The following USP43 variants were observed in gnomAD, a reference collection of about 807,000 sequenced individuals.
USP43 encodes the protein ubiquitin carboxyl-terminal hydrolase 43.
Under a neutral mutation model 90.7 loss-of-function variants are expected in USP43, and 33 were observed. The observed-to-expected ratio is 0.36, with a 90% CI of 0.28 to 0.49. The LOEUF (loss-of-function observed/expected upper bound fraction) is 0.49, where lower values mean the gene tolerates loss of function less well. Ranked by LOEUF, USP43 falls within the 20% of genes least tolerant of loss-of-function variation. USP43 has a pLI of 0.98. For synonymous variants in USP43, 598 were observed against 615.8 expected, an observed-to-expected ratio of 0.97 and a Z score of 0.43; for missense variants, 1,274 against 1,476.4, an observed-to-expected ratio of 0.86 and a Z score of 2.25.
intron 14 of USP43, among the ~76,000 whole-genome samples, chr17:9,727,453 A>G (rs1356216536): frequency 6.6e-6 from 1 of 152,060 alleles, no homozygotes; most frequent in Non-Finnish European, 1.5e-5. Flanking sequence ...TACAAGTTGT[A>G]TAGGTTGGTG....
chr17:9,711,738 T>G (rs1284610879), intron 13 of USP43, among the ~76,000 whole-genome samples: 1 of 152,164 alleles, frequency 6.6e-6, no homozygotes, highest in African/African-American at 2.4e-5. Context: ...GCCCATGCTT[T>G]CCTTTTTGTG....
chr17:9,720,985 T>C (rs1165976093), intron 14 of USP43, among the ~76,000 whole-genome samples: 1 of 152,214 alleles, frequency 6.6e-6, no homozygotes, highest in Admixed American at 6.5e-5. Flanking sequence ...GCCCTGGTTA[T>C]GATCATCATA....
chr17:9,676,921 A>G, intron 5 of USP43, 40 bp downstream of exon 5: 1 of 1,600,098 alleles, frequency 6.2e-7, no homozygotes, highest in Non-Finnish European at 8.5e-7. Context: ...ATTGGATGAT[A>G]GAATGCTAAC....
chr17:9,712,477 C>T (rs541362743), intron 14 of USP43, among the ~76,000 whole-genome samples: 95 of 152,040 alleles, frequency 6.2e-4, no homozygotes, highest in African/African-American at 2.1e-3. Context: ...GCACAGGGCC[C>T]GGGAGATAGG....
At position 9,728,980 on chromosome 17, in the gene USP43, C is replaced by T. The variant is rs760811657; in HGVS notation, c.3362C>T (p.Ser1121Phe). 3 of 1,568,746 alleles carry T rather than the reference C, an allele frequency of 1.9e-6. No individual in the cohort carries two copies. The highest frequency in any genetic ancestry group is 3.7e-5 in the Admixed American group (2 of 54,792). The change falls in exon 15 of 15, where the codon TCC becomes TTC. Residue 1121 changes from serine (S) to phenylalanine (F), a missense_variant. Ser to Phe is a radical substitution (Grantham distance 155). Around this residue, in one of 6 missense-constraint regions of USP43, gnomAD observed 353 missense variants for 329.7 expected, o/e 1.07. Coordinates refer to ENST00000285199, the MANE Select transcript of USP43 (RefSeq NM_153210.5). The surrounding 1 kb of genome is among the most constrained non-coding windows in gnomAD (Gnocchi z 6.2). ...GGTCGAAAGAAAACCTTACCGGAGT[C>T]CAGCTTTTGATGGAGCGTGTCAGTA... The part of the protein sequence containing the change: ...SLGRKKTLPE[S>F]SF
chr17:9,728,629 G>T lies in USP43; in HGVS notation c.3011G>T (p.Arg1004Leu), dbSNP rs1567689580. 6.2e-7 allele frequency: 1 copy of T among 1,613,734 alleles called. No homozygotes were observed. The highest frequency in any genetic ancestry group is 8.5e-7 in the Non-Finnish European group (1 of 1,179,810). Residue 1004 changes from arginine to leucine, a missense_variant, in exon 15 of 15, where the codon CGG becomes CTG. Around this residue, in one of 6 missense-constraint regions of USP43, gnomAD observed 353 missense variants for 329.7 expected, o/e 1.07. Transcript: ENST00000285199. This position sits in a 1 kb window ranked among gnomAD's most constrained non-coding sequence, Gnocchi z 6.2. ...CTCACCCTTCTGAGGTCCGTGTTTC[G>T]GAAGAAGGAGAACAGGAGGAATGAG... ...GTLTLLRSVFRKKENRRNERA... is the reference protein window; with the variant it reads ...GTLTLLRSVFLKKENRRNERA...
chr17:9,666,600 T>C, intron 2 of USP43, 48 bp from the exon 3 acceptor site: 1 of 1,471,628 alleles, frequency 6.8e-7, no homozygotes, highest in Non-Finnish European at 9.3e-7. Context: ...AGCAGTTGAG[T>C]GATGAGAGGT....
rs564720900 is a variant in USP43, at chr17:9,677,822, A to G, written c.969+941A>G. 2.6e-5 allele frequency among the ~76,000 whole-genome samples: 4 copies of G among 152,242 alleles called. No homozygotes were observed. In the East Asian group the frequency reaches 7.7e-4, roughly 29 times the overall value. ...TACAATAACGTCTACCTATCTGAAG[A>G]TTGTGGTTTGCTGGCTTTCTCTACG... On this transcript the variant is annotated intron_variant, in intron 5 of 14. Transcript: ENST00000285199.
At chr17:9,649,105 C>T (rs1911675159) in intron 1 of USP43, among the ~76,000 whole-genome samples, 1 of 152,116 alleles carries the variant, frequency 6.6e-6, no homozygotes, top group South Asian at 2.1e-4. Flanking sequence ...ATCCTCCTAC[C>T]TCAGCCTTCT....
chr17:9,708,851 A>G (rs1276810612), intron 12 of USP43, among the ~76,000 whole-genome samples: 1 of 151,798 alleles, frequency 6.6e-6, no homozygotes, highest in East Asian at 1.9e-4. Flanking sequence ...TTGGTCTCGA[A>G]CTCCTGACCT....
intron 5 of USP43, 132 bp from the exon 6 acceptor site, chr17:9,680,099 A>G: frequency 1.2e-6 from 1 of 860,492 alleles, no homozygotes; most frequent in Non-Finnish European, 1.8e-6. Context: ...ATGCTGCCTT[A>G]TTACTAAAAA....
chr17:9,704,476 T>C (rs536003256), intron 12 of USP43, among the ~76,000 whole-genome samples: 1 of 151,542 alleles, frequency 6.6e-6, no homozygotes, highest in Non-Finnish European at 1.5e-5. Context: ...CCACCACGCC[T>C]GGCTAATTTT....
rs1250912875 is a variant in USP43, at chr17:9,701,732, G to C, written c.2011+32G>C. ...CTTGCCTTGCCTTTCTGCAAATGCA[G>C]CTGTGGCCACAGCCTCGAGATGTCC... On this transcript the variant is annotated intron_variant, in intron 12 of 14. Transcript: ENST00000285199. This position sits in a 1 kb window ranked among gnomAD's most constrained non-coding sequence, Gnocchi z 7.2. 5 of 1,487,392 alleles carry C rather than the reference G, an allele frequency of 3.4e-6. No individual in the cohort carries two copies. Among genetic ancestry groups the C allele is most frequent in the Non-Finnish European group, 4.5e-6 (5 of 1,110,330 alleles). The allele number at this position is 1,487,392 out of a possible 1,614,324, so 92.1% of individuals were successfully genotyped here. A position where few individuals can be genotyped will look rare whatever the true frequency, so the allele number is the denominator to read the frequency against.
At chr17:9,726,591 A>C (rs1025132795) in intron 14 of USP43, among the ~76,000 whole-genome samples, 1 of 152,140 alleles carries the variant, frequency 6.6e-6, no homozygotes, top group Non-Finnish European at 1.5e-5. Flanking sequence ...TCTTCTTAGA[A>C]GGTCACTAAT....
chr17:9,682,623 A>G (rs528591101), intron 6 of USP43, among the ~76,000 whole-genome samples, 200 bp from the exon 7 acceptor site: 1 of 152,286 alleles, frequency 6.6e-6, no homozygotes, highest in African/African-American at 2.4e-5. Context: ...TCACTACCAT[A>G]TTCTTGATGT....
In USP43 at chr17:9,692,577, A is replaced by T. The variant is rs145317526; in HGVS notation, c.1354-550A>T. On this transcript the variant is annotated intron_variant, in intron 8 of 14. Transcript: ENST00000285199. ...ATTTTTAAGAGGCATCTTCCGTTAA[A>T]TATGTCATTGTAAGCCTCATTTCAA... Among the ~76,000 whole-genome samples the T allele has an allele frequency of 1.7e-4, 26 of 152,342 alleles. No individual in the cohort carries two copies. In the East Asian group the frequency reaches 4.6e-3, roughly 27 times the overall value.
At chr17:9,712,230 A>G (rs991774291) in intron 14 of USP43, 98 bp downstream of exon 14, 1 of 1,360,140 alleles carries the variant, frequency 7.4e-7, no homozygotes, top group East Asian at 2.7e-5. Context: ...TCTTGAATGG[A>G]AAGGGTCCAT....
chr17:9,682,457 C>T (rs530370582), intron 6 of USP43, among the ~76,000 whole-genome samples: 1 of 152,242 alleles, frequency 6.6e-6, no homozygotes, highest in East Asian at 1.9e-4. Context: ...ACAATCCCAG[C>T]TACTGGAGAG....
chr17:9,676,025 G>A (rs1329986509), intron 4 of USP43, among the ~76,000 whole-genome samples: 1 of 152,162 alleles, frequency 6.6e-6, no homozygotes, highest in Non-Finnish European at 1.5e-5. Flanking sequence ...GCAAGAGTGG[G>A]CCTTCATATG....
Sources: allele counts gnomAD v4.1 joint callset (sites outside exome capture counted in the v4.1 genomes callset), GRCh38; gene constraint gnomAD v4.1.1; regional missense constraint gnomAD v4.1.1; non-coding constraint Gnocchi (gnomAD v3.1); transcripts MANE v1.5; gene names NCBI Gene and HGNC (gene_info 2026-07-23, HGNC 2026-07-21).